The following PPP1R12B variants were observed in gnomAD, a reference collection of about 807,000 sequenced individuals.
PPP1R12B encodes myosin phosphatase target subunit 2.
Under a neutral mutation model 126.1 loss-of-function variants are expected in PPP1R12B, and 76 were observed. That is an observed-to-expected ratio of 0.60 (90% CI 0.50 to 0.73). The LOEUF is 0.73. Ranked by LOEUF, PPP1R12B falls within the 30% of genes least tolerant of loss-of-function variation. PPP1R12B has a pLI of 0.00. For missense variants in PPP1R12B, 1,052 were observed against 1,205.1 expected, an observed-to-expected ratio of 0.87 and a Z score of 1.88; for synonymous variants, 356 against 434.7, an observed-to-expected ratio of 0.82 and a Z score of 2.25.
chr1:202,515,364 C>T (rs938861398), intron 18 of PPP1R12B, among the ~76,000 whole-genome samples: 2 of 152,142 alleles, frequency 1.3e-5, no homozygotes, highest in Non-Finnish European at 2.9e-5. Context: ...TTCAAAGACT[C>T]AATGTGACAG....
At chr1:202,406,434 T>A (rs1156999910) in intron 1 of PPP1R12B, among the ~76,000 whole-genome samples, 1 of 152,248 alleles carries the variant, frequency 6.6e-6, no homozygotes, top group Non-Finnish European at 1.5e-5. Context: ...TAGACTAATA[T>A]CAGTTTACAC....
intron 18 of PPP1R12B, chr1:202,502,664 A>G (rs1230016383): frequency 5.1e-6 from 1 of 194,940 alleles, no homozygotes; most frequent in Non-Finnish European, 9.3e-6. Flanking sequence ...GATACGTGCT[A>G]TGGAAAAACC....
chr1:202,568,179 C>G (rs1688238431), intron 22 of PPP1R12B, among the ~76,000 whole-genome samples: 2 of 151,896 alleles, frequency 1.3e-5, no homozygotes, highest in South Asian at 4.2e-4. Flanking sequence ...TACACACACA[C>G]ACACACACAC....
chr1:202,439,091 A>G, intron 10 of PPP1R12B: 6 of 1,481,260 alleles, frequency 4.1e-6, no homozygotes, highest in Non-Finnish European at 5.7e-6. Context: ...CATCACCTCC[A>G]GCGCCAAAGT....
At chr1:202,557,105 G>T (rs543400442) in intron 18 of PPP1R12B, among the ~76,000 whole-genome samples, 1 of 151,982 alleles carries the variant, frequency 6.6e-6, no homozygotes, top group Non-Finnish European at 1.5e-5. Flanking sequence ...CTCCTGCCTC[G>T]GCTTTCCATG....
intron 1 of PPP1R12B, among the ~76,000 whole-genome samples, chr1:202,409,673 A>G (rs1667134259): frequency 6.6e-6 from 1 of 151,878 alleles, no homozygotes; most frequent in Non-Finnish European, 1.5e-5. Flanking sequence ...ATATTTCATT[A>G]TTTATTTTTA....
At chr1:202,392,504 G>A (rs1234511876) in intron 1 of PPP1R12B, among the ~76,000 whole-genome samples, 1 of 151,750 alleles carries the variant, frequency 6.6e-6, no homozygotes, top group Admixed American at 6.6e-5. Flanking sequence ...AATAGCTAGA[G>A]GATACAGGAC....
intron 17 of PPP1R12B, among the ~76,000 whole-genome samples, chr1:202,496,141 C>CAGTG (rs1679529008): frequency 6.6e-6 from 1 of 152,160 alleles, no homozygotes; most frequent in Non-Finnish European, 1.5e-5. Flanking sequence ...TACAAGTTCA[C>CAGTG]TTAGTTTTAC....
chr1:202,589,114 CA>C lies in PPP1R12B; in HGVS notation c.*8558del, dbSNP rs1256439776. 3 of 152,074 alleles carry C rather than the reference CA, an allele frequency of 2.0e-5. No individual in the cohort carries two copies. The highest frequency in any genetic ancestry group is 4.4e-5 in the Non-Finnish European group (3 of 68,028). The allele number at this position is 152,074 out of a possible 1,614,324, so 9.4% of individuals were successfully genotyped here. ...AGGTCATTGTTTAATTCAGGAGATC[CA>C]AAACTATCCTGTAGTTCCAAACTAC... On this transcript the variant is annotated 3_prime_UTR_variant, in exon 24 of 24. Coordinates refer to ENST00000608999, the MANE Select transcript of PPP1R12B (RefSeq NM_002481.4).
chr1:202,410,076 AACTT>A (rs1667189702), intron 1 of PPP1R12B: 1 of 152,218 alleles, frequency 6.6e-6, no homozygotes, highest in South Asian at 2.1e-4. Context: ...CAAATTTAAA[AACTT>A]TATTATGTAC....
chr1:202,429,032 G>A, intron 6 of PPP1R12B, 103 bp downstream of exon 6: 1 of 912,794 alleles, frequency 1.1e-6, no homozygotes, highest in Non-Finnish European at 1.6e-6. Flanking sequence ...AGTTGAAATG[G>A]ACATATCTGC....
intron 18 of PPP1R12B, among the ~76,000 whole-genome samples, chr1:202,531,270 A>G (rs79696858): frequency 0.016 from 2,460 of 152,370 alleles, 34 homozygotes; most frequent in Non-Finnish European, 0.025. Flanking sequence ...ATTCTAGACT[A>G]TCTTCCAACT....
chr1:202,349,793 G>T (rs945719840), intron 1 of PPP1R12B, among the ~76,000 whole-genome samples: 2 of 152,146 alleles, frequency 1.3e-5, no homozygotes, highest in African/African-American at 4.8e-5. Flanking sequence ...ACCTCTGTTT[G>T]ATACTTATGG....
At position 202,415,282 on chromosome 1, in the gene PPP1R12B, T is replaced by C. The variant is rs553453313; in HGVS notation, c.292-1505T>C. Among the ~76,000 whole-genome samples the C allele has an allele frequency of 1.1e-4, 17 of 152,372 alleles. No individual in the cohort carries two copies. In the South Asian group the frequency reaches 3.3e-3, roughly 30 times the overall value. The stretch of plus-strand genomic sequence containing the variant: ...GAATATAGTGCCTGCTGGTAGTTTT[T>C]GATGCCATTGTCTTGCTTCATGTTA... On this transcript the variant is annotated intron_variant, in intron 1 of 23. Coordinates refer to ENST00000608999, the MANE Select transcript of PPP1R12B (RefSeq NM_002481.4).
intron 15 of PPP1R12B, among the ~76,000 whole-genome samples, chr1:202,493,868 A>T (rs1679199773): frequency 6.6e-6 from 1 of 152,226 alleles, no homozygotes; most frequent in Non-Finnish European, 1.5e-5. Flanking sequence ...ATTGTTTTTC[A>T]AACTCTTATA....
intron 10 of PPP1R12B, chr1:202,438,931 G>A (rs1292311921): frequency 7.8e-6 from 12 of 1,530,546 alleles, no homozygotes; most frequent in South Asian, 1.1e-5. Flanking sequence ...AGGTGACCCC[G>A]AAGACGGCCG....
At chr1:202,402,853 T>A (rs1198123536) in intron 1 of PPP1R12B, among the ~76,000 whole-genome samples, 1 of 152,238 alleles carries the variant, frequency 6.6e-6, no homozygotes, top group Non-Finnish European at 1.5e-5. Context: ...AAATTTTACT[T>A]CAAAAGAAAA....
intron 9 of PPP1R12B, among the ~76,000 whole-genome samples, chr1:202,436,354 C>T (rs1670816044): frequency 6.6e-6 from 1 of 152,148 alleles, no homozygotes; most frequent in Non-Finnish European, 1.5e-5. Context: ...CCCTTAGAAT[C>T]AGAGTAGCTT....
intron 18 of PPP1R12B, among the ~76,000 whole-genome samples, chr1:202,535,139 T>G (rs574102668): frequency 3.9e-5 from 6 of 152,110 alleles, no homozygotes; most frequent in Admixed American, 2.0e-4. Context: ...TTTTGGGTGA[T>G]GAACCAAGTA....
Sources: allele counts gnomAD v4.1 joint callset (sites outside exome capture counted in the v4.1 genomes callset), GRCh38; gene constraint gnomAD v4.1.1; transcripts MANE v1.5; gene names NCBI Gene and HGNC (gene_info 2026-07-23, HGNC 2026-07-21).